The following CNTN5 variants were observed in gnomAD, a reference collection of about 807,000 sequenced individuals.
CNTN5 encodes the protein contactin-5.
A neutral mutation model predicts 129.1 loss-of-function variants in CNTN5; 77 were observed. The ratio of observed to expected loss-of-function variants is 0.60; its 90% CI spans 0.50 to 0.72. The LOEUF (loss-of-function observed/expected upper bound fraction) is 0.72, where lower values mean the gene tolerates loss of function less well. CNTN5 is among the 30% of genes least tolerant of loss of function. The probability of loss-of-function intolerance (pLI) is 0.00; values close to 1 mark genes in which losing one functional copy is unlikely to be tolerated. For synonymous variants in CNTN5, 509 were observed against 465.6 expected (o/e 1.09, Z -1.20); for missense variants, 1,478 against 1,328.8 (o/e 1.11, Z -1.75).
intron 16 of CNTN5, among the ~76,000 whole-genome samples, chr11:100,238,842 A>G (rs1377015737): frequency 6.6e-6 from 1 of 152,226 alleles, no homozygotes; most frequent in Non-Finnish European, 1.5e-5. Flanking sequence ...TGACAGAAAT[A>G]TCCAATAATA....
chr11:99,974,621 A>T (rs951852879), intron 8 of CNTN5, among the ~76,000 whole-genome samples: 2 of 152,212 alleles, frequency 1.3e-5, no homozygotes, highest in Admixed American at 6.5e-5. Flanking sequence ...TAGGAAGACT[A>T]TATGGAGCAA....
intron 2 of CNTN5, among the ~76,000 whole-genome samples, chr11:99,408,896 T>G (rs1942258343): frequency 6.6e-6 from 1 of 152,196 alleles, no homozygotes; most frequent in African/African-American, 2.4e-5. Context: ...GACCATCTGT[T>G]GTTAAGATCA....
chr11:100,060,697 T>G (rs1014776442), intron 9 of CNTN5, among the ~76,000 whole-genome samples: 3 of 149,692 alleles, frequency 2.0e-5, no homozygotes, highest in Admixed American at 6.7e-5. Context: ...TGGAGTGCAG[T>G]GGCGCGATCT....
At chr11:99,498,357 C>G (rs553647174) in intron 2 of CNTN5, among the ~76,000 whole-genome samples, 1 of 152,250 alleles carries the variant, frequency 6.6e-6, no homozygotes, top group East Asian at 1.9e-4. Context: ...CTATTCATTA[C>G]CACAGTTAAC....
intron 2 of CNTN5, among the ~76,000 whole-genome samples, chr11:99,429,645 C>A (rs187771424): frequency 2.7e-4 from 41 of 152,108 alleles, no homozygotes; most frequent in African/African-American, 9.9e-4. Context: ...CTTATAAAGG[C>A]AGTTTTAAAT....
intron 1 of CNTN5, among the ~76,000 whole-genome samples, chr11:99,242,246 G>T (rs1861598311): frequency 6.6e-6 from 1 of 152,090 alleles, no homozygotes. Flanking sequence ...CATTAATTTG[G>T]TATCAATTAG....
At chr11:99,929,524 C>T (rs550740961) in intron 7 of CNTN5, among the ~76,000 whole-genome samples, 1 of 152,274 alleles carries the variant, frequency 6.6e-6, no homozygotes, top group East Asian at 1.9e-4. Flanking sequence ...TTCTGCAGGG[C>T]TGGGGAGGCC....
At chr11:99,861,571 G>A (rs1948208549) in intron 6 of CNTN5, among the ~76,000 whole-genome samples, 1 of 152,014 alleles carries the variant, frequency 6.6e-6, no homozygotes, top group Non-Finnish European at 1.5e-5. Flanking sequence ...GTTTTATTAT[G>A]TGTAGGTAAA....
At position 100,206,101 on chromosome 11, in the gene CNTN5, A is replaced by C. The variant is rs17094609; in HGVS notation, c.1884+12438A>C. On this transcript the variant is annotated intron_variant, in intron 15 of 24. Coordinates refer to ENST00000524871, the MANE Select transcript of CNTN5 (RefSeq NM_014361.4). The stretch of plus-strand genomic sequence containing the variant: ...GAGATATGGCAATTGTAATGAAGGA[A>C]GTATGTTCAGGAAGCTGAGTCAAAG... 5.4e-3 allele frequency among the ~76,000 whole-genome samples: 815 copies of C among 152,220 alleles called. 2 individuals are homozygous for C. The highest frequency in any genetic ancestry group is 0.018 in the African/African-American group (761 of 41,564).
chr11:100,162,008 A>G (rs114075594), intron 13 of CNTN5, among the ~76,000 whole-genome samples: 2 of 151,824 alleles, frequency 1.3e-5, no homozygotes, highest in African/African-American at 4.8e-5. Flanking sequence ...GTGGTTCACT[A>G]TGCTATGGAG....
chr11:99,787,308 TC>T (rs559984369), intron 3 of CNTN5, among the ~76,000 whole-genome samples: 177 of 151,830 alleles, frequency 1.2e-3, no homozygotes, highest in African/African-American at 3.9e-3. Context: ...TTTTAAATTA[TC>T]ATTTAAGAGA....
chr11:99,295,048 G>A (rs933145958), intron 1 of CNTN5, among the ~76,000 whole-genome samples: 2 of 152,134 alleles, frequency 1.3e-5, no homozygotes, highest in Admixed American at 6.5e-5. Flanking sequence ...TTCAGCTGCT[G>A]TCATTCCAGT....
chr11:99,052,224 CAG>C (rs966089409), intron 1 of CNTN5, among the ~76,000 whole-genome samples: 1 of 151,554 alleles, frequency 6.6e-6, no homozygotes, highest in Non-Finnish European at 1.5e-5. Context: ...TATATACACA[CAG>C]AGAGATAACA....
chr11:100,052,125 A>G (rs998891524), intron 9 of CNTN5, among the ~76,000 whole-genome samples: 18 of 151,922 alleles, frequency 1.2e-4, no homozygotes, highest in African/African-American at 4.1e-4. Context: ...GGATAAAAGA[A>G]AATAATCTTA....
In CNTN5 at chr11:99,789,851, A is replaced by C. The variant is rs867815343; in HGVS notation, c.56-29693A>C. 2.0e-5 allele frequency among the ~76,000 whole-genome samples: 3 copies of C among 152,084 alleles called. No individual in the cohort carries two copies. In the South Asian group the frequency reaches 6.2e-4, roughly 32 times the overall value. On this transcript the variant is annotated intron_variant, in intron 3 of 24. Coordinates refer to ENST00000524871, the MANE Select transcript of CNTN5 (RefSeq NM_014361.4). ...GTTATATTGCGTGATGCTGAGGTTT[A>C]TGGTACAATTGATCCCATCATCCAG...
chr11:99,134,912 G>T (rs1859141499), intron 1 of CNTN5, among the ~76,000 whole-genome samples: 1 of 152,134 alleles, frequency 6.6e-6, no homozygotes, highest in Non-Finnish European at 1.5e-5. Flanking sequence ...TCCAGCAAAA[G>T]GAAGTAAATG....
chr11:99,252,673 G>T (rs1862172415), intron 1 of CNTN5, among the ~76,000 whole-genome samples: 1 of 151,908 alleles, frequency 6.6e-6, no homozygotes, highest in South Asian at 2.1e-4. Context: ...GTGGCTTAAA[G>T]TTTAATTCGC....
At chr11:100,349,648 T>G (rs1219368909) in intron 23 of CNTN5, among the ~76,000 whole-genome samples, 1 of 151,860 alleles carries the variant, frequency 6.6e-6, no homozygotes, top group Non-Finnish European at 1.5e-5. Context: ...TATCCAGATC[T>G]GTATGAATAC....
At chr11:99,295,196 A>G (rs561536211) in intron 1 of CNTN5, among the ~76,000 whole-genome samples, 14 of 152,282 alleles carry the variant, frequency 9.2e-5, no homozygotes, top group African/African-American at 3.4e-4. Flanking sequence ...CCGAACCACC[A>G]AAAAACAAAT....
Sources: allele counts gnomAD v4.1 joint callset (sites outside exome capture counted in the v4.1 genomes callset), GRCh38; gene constraint gnomAD v4.1.1; transcripts MANE v1.5; gene names NCBI Gene and HGNC (gene_info 2026-07-23, HGNC 2026-07-21).